The following COL5A3 variants were observed in gnomAD, a reference collection of about 807,000 sequenced individuals.
COL5A3 encodes collagen type V alpha 3 chain, also known as collagen alpha-3(V) chain.
Under a neutral mutation model 250.0 loss-of-function variants are expected in COL5A3, and 172 were observed. The observed-to-expected ratio is 0.69, with a 90% confidence interval of 0.61 to 0.78. The LOEUF (loss-of-function observed/expected upper bound fraction) is 0.78, where lower values mean the gene tolerates loss of function less well. COL5A3 is among the 30% of genes least tolerant of loss of function. The pLI, the probability that COL5A3 is intolerant of heterozygous loss-of-function variation, is 0.00. For synonymous variants in COL5A3, 937 were observed against 900.4 expected (o/e 1.04, Z -0.73); for missense variants, 2,340 against 2,334.4 (o/e 1.00, Z -0.05).
rs529088765 is a variant in COL5A3 at position 9,970,873 on chromosome 19, C to T, written c.3882+102G>A. Reference sequence around the variant, plus strand: ...GGTGAAGCGGGAGCATCTGCAGGGGCCTTGGGTACCCCACTAGCCCACTCC... The same window carrying T: ...GGTGAAGCGGGAGCATCTGCAGGGGTCTTGGGTACCCCACTAGCCCACTCC... On this transcript the variant is annotated intron_variant, in intron 53 of 66. Coordinates refer to ENST00000264828, the MANE Select transcript of COL5A3 (RefSeq NM_015719.4). The T allele has an allele frequency of 9.1e-5, 107 of 1,171,740 alleles. 1 individual carries two copies. In the South Asian group the frequency reaches 1.7e-3, roughly 18 times the overall value. 72.6% of individuals were successfully genotyped at this position (1,171,740 alleles called of 1,614,324 possible).
At chr19:10,003,912 A>T in intron 5 of COL5A3, 129 bp downstream of exon 5, 3 of 1,008,510 alleles carry the variant, frequency 3.0e-6, no homozygotes, top group Non-Finnish European at 4.6e-6. Flanking sequence ...CATGCCTGGG[A>T]TGTGTTGGAG....
chr19:10,000,346 C>T (rs535989092), intron 8 of COL5A3, among the ~76,000 whole-genome samples: 1 of 152,160 alleles, frequency 6.6e-6, no homozygotes, highest in East Asian at 1.9e-4. Flanking sequence ...TTCTCTGCGT[C>T]CCTCCCATCT....
rs764673613 is a variant in COL5A3, at chr19:9,960,737, C to A, written c.5005G>T (p.Ala1669Ser). ...TCTCCATTGGTGCCAAGGAAGCGGG[C>A]GGAGTGGCTGTAGTCACCCGTGGCT... Reference protein sequence around the residue: ...DEATGDYSHSARFLGTNGEEL... With the variant: ...DEATGDYSHSSRFLGTNGEEL... Residue 1669 changes from alanine (A) to serine (S), a missense_variant, in exon 66 of 67, where the codon GCC (alanine) becomes TCC (serine). Physicochemically the swap from Ala to Ser is moderately conservative, Grantham distance 99. Coordinates refer to ENST00000264828, the MANE Select transcript of COL5A3 (RefSeq NM_015719.4). The A allele has an allele frequency of 5.6e-6, 9 of 1,614,020 alleles. No homozygotes were observed. The Admixed American group carries it at 1.5e-4, about 27-fold the overall frequency.
chr19:9,966,436 A>G lies in COL5A3; in HGVS notation c.4670-10T>C. 6.3e-7 allele frequency: 1 copy of G among 1,587,842 alleles called. No homozygotes were observed. Among genetic ancestry groups the G allele is most frequent in the Non-Finnish European group, 8.6e-7 (1 of 1,163,404 alleles). ...TCAATCCAGTATTCCCCTGCCGCAGAGCCAGGCAGGGTGGGTGAGTCCGGA... is the reference window on the plus strand; with the variant it reads ...TCAATCCAGTATTCCCCTGCCGCAGGGCCAGGCAGGGTGGGTGAGTCCGGA... On this transcript the variant is annotated splice_polypyrimidine_tract_variant and intron_variant, in intron 63 of 66. Transcript: ENST00000264828.
In COL5A3 at chr19:9,979,996, G is replaced by C. The variant is rs1255426174; in HGVS notation, c.2656C>G (p.Pro886Ala). ...PPGFPGPKGPPGHQGKDGRPG... is the reference protein window; with the variant it reads ...PPGFPGPKGPAGHQGKDGRPG... ...CCAATGAGGGTGACCTCACTCACAGGGGGGCCCTTTGGCCCAGGGAATCCT... is the reference window on the plus strand; with the variant it reads ...CCAATGAGGGTGACCTCACTCACAGCGGGGCCCTTTGGCCCAGGGAATCCT... Residue 886 changes from proline to alanine, a missense_variant and splice_region_variant, in exon 36 of 67, where the codon CCT becomes GCT. Transcript: ENST00000264828. 5.7e-6 allele frequency: 9 copies of C among 1,587,432 alleles called. No homozygotes were observed. Among genetic ancestry groups the C allele is most frequent in the South Asian group, 3.5e-5 (3 of 86,928 alleles).
Position 10,008,451 on chromosome 19 carries a change from G to GT in COL5A3, c.88+1846_88+1847insA, listed in dbSNP as rs763321975. 3.1e-3 allele frequency among the ~76,000 whole-genome samples: 474 copies of GT among 151,664 alleles called. 3 individuals carry two copies. Among genetic ancestry groups the GT allele is most frequent in the South Asian group, 4.4e-3 (21 of 4,772 alleles). Reference sequence around the variant, plus strand: ...GCCTACAGGGGACAAGGGGTGGGGGGGTCTGTCAGGGGCCCAGCCTGCCCC... The same window carrying GT: ...GCCTACAGGGGACAAGGGGTGGGGGGTGTCTGTCAGGGGCCCAGCCTGCCCC... On this transcript the variant is annotated intron_variant, in intron 1 of 66. Transcript: ENST00000264828.
In COL5A3 at chr19:10,004,120, CT is replaced by C; in HGVS notation, c.619del (p.Ser207AlafsTer105). ...FEGDIQELLI[S>X]PDPQAAFQAC... ...CTGGAAGGCAGCCTGAGGATCTGGG[CT>C]TATCAGCAGCTCCTGAATGTCTCCC... is the stretch of plus-strand genomic sequence containing the variant. On this transcript the variant is annotated frameshift_variant, in exon 5 of 67. Transcript: ENST00000264828. LOFTEE classifies it high-confidence loss of function. The C allele has an allele frequency of 1.9e-6, 3 of 1,613,928 alleles. No homozygotes were observed. Among genetic ancestry groups the C allele is most frequent in the African/African-American group, 2.7e-5 (2 of 75,004 alleles).
chr19:9,960,979 G>A, intron 65 of COL5A3, 89 bp from the exon 66 acceptor site: 1 of 1,502,394 alleles, frequency 6.7e-7, no homozygotes, highest in South Asian at 1.2e-5. Context: ...TCCACTGGCA[G>A]ACAAGCCACC....
chr19:10,003,576 C>G lies in COL5A3; in HGVS notation c.838G>C (p.Ala280Pro), dbSNP rs61742765. Reference protein sequence around the residue: ...IWTSSPPPDSAENQTSTDIPK... With the variant: ...IWTSSPPPDSPENQTSTDIPK... ...CTCAGGGCCCTTACCTGGTTCTCTG[C>G]GGAGTCAGGAGGTGGACTTGAGGTC... is the stretch of plus-strand genomic sequence containing the variant. Residue 280 changes from alanine (A) to proline (P), a missense_variant, in exon 6 of 67, where the codon GCA becomes CCA. By Grantham distance (27) the Ala-to-Pro change is conservative. This residue lies in a region of COL5A3 where 1,152 missense variants were observed against 1,146.3 expected (regional missense o/e 1.00). Transcript: ENST00000264828. The G allele has an allele frequency of 0.18, 298,373 of 1,613,830 alleles. 29,980 individuals carry two copies. Among genetic ancestry groups the G allele is most frequent in the Middle Eastern group, 0.21 (1,273 of 6,062 alleles).
intron 24 of COL5A3, among the ~76,000 whole-genome samples, chr19:9,990,563 A>G (rs2087173582): frequency 7.2e-6 from 1 of 138,678 alleles, no homozygotes; most frequent in Admixed American, 6.9e-5. Context: ...GATAATAAAT[A>G]AAATTAATTT....
chr19:9,995,533 G>C, intron 16 of COL5A3, 31 bp downstream of exon 16: 1 of 1,596,800 alleles, frequency 6.3e-7, no homozygotes. Flanking sequence ...GGATGGATAA[G>C]GGGTGGTCTG....
chr19:9,966,450 G>C (rs920958352), intron 63 of COL5A3, 24 bp from the exon 64 acceptor site: 31 of 1,582,396 alleles, frequency 2.0e-5, no homozygotes, highest in Non-Finnish European at 2.6e-5. Flanking sequence ...AGGCAGGGTG[G>C]GTGAGTCCGG....
In COL5A3 at chr19:10,009,593, G is replaced by A. The variant is rs1431494627; in HGVS notation, c.88+705C>T. ...AGCCCTGTCCATGGTGCTGATCGCGGCTCTGGGGACCGCGGGGTGGGGGAG... is the reference window on the plus strand; with the variant it reads ...AGCCCTGTCCATGGTGCTGATCGCGACTCTGGGGACCGCGGGGTGGGGGAG... On this transcript the variant is annotated intron_variant, in intron 1 of 66. Coordinates refer to ENST00000264828, the MANE Select transcript of COL5A3 (RefSeq NM_015719.4). This position sits in a 1 kb window ranked among gnomAD's most constrained non-coding sequence, Gnocchi z 4.4. 3.9e-5 allele frequency among the ~76,000 whole-genome samples: 6 copies of A among 152,064 alleles called. No homozygotes were observed. Among genetic ancestry groups the A allele is most frequent in the Admixed American group, 3.9e-4 (6 of 15,278 alleles).
intron 19 of COL5A3, 39 bp downstream of exon 19, chr19:9,993,341 T>C (rs919474744): frequency 6.2e-7 from 1 of 1,608,064 alleles, no homozygotes; most frequent in African/African-American, 1.3e-5. Context: ...CTTCCAAACT[T>C]ACTTTCCAAA....
Position 9,966,531 on chromosome 19 carries a change from C to T in COL5A3, c.4669+5G>A. On this transcript the variant is annotated splice_donor_5th_base_variant and intron_variant, in intron 63 of 66. Transcript: ENST00000264828. ...CATCCAAGTGGCGGGGGGACCGGAC[C>T]TCACCATCAGGCAGGTGCGGGTGGT... is the stretch of plus-strand genomic sequence containing the variant. 1.3e-6 allele frequency: 2 copies of T among 1,542,196 alleles called. No homozygotes were observed. The highest frequency in any genetic ancestry group is 8.7e-7 in the Non-Finnish European group (1 of 1,144,316).
chr19:9,997,975 A>G lies in COL5A3; in HGVS notation c.1200+9T>C. ...AAGACTGGAAGAAGGAAACACAGCC[A>G]TGACTTACTTGGGGTCCTGGGGCTC... On this transcript the variant is annotated intron_variant, in intron 10 of 66. Transcript: ENST00000264828. 6.2e-7 allele frequency: 1 copy of G among 1,614,050 alleles called. No homozygotes were observed. The highest frequency in any genetic ancestry group is 2.2e-5 in the East Asian group (1 of 44,872).
chr19:9,975,948 A>AGGG (rs2086913921), intron 45 of COL5A3, among the ~76,000 whole-genome samples: 1 of 149,012 alleles, frequency 6.7e-6, no homozygotes, highest in South Asian at 2.1e-4. Flanking sequence ...GTTGGCATTG[A>AGGG]GGGGAAGACA....
Position 9,973,909 on chromosome 19 carries a change from G to T in COL5A3, c.3558+10C>A. 6.3e-7 allele frequency: 1 copy of T among 1,585,356 alleles called. No homozygotes were observed. Among genetic ancestry groups the T allele is most frequent in the Middle Eastern group, 1.7e-4 (1 of 5,930 alleles). On this transcript the variant is annotated intron_variant, in intron 48 of 66. Coordinates refer to ENST00000264828, the MANE Select transcript of COL5A3 (RefSeq NM_015719.4). ...TCTCTGAGCCTTCCTGGCCCCCCAA[G>T]AGTTCTCACCTCTGATCCAGTGGGG...
chr19:9,977,560 G>A, intron 42 of COL5A3, 34 bp downstream of exon 42: 1 of 1,534,036 alleles, frequency 6.5e-7, no homozygotes, highest in African/African-American at 1.4e-5. Context: ...AGACCCTGAG[G>A]AGGCCCTAGG....
Sources: allele counts gnomAD v4.1 joint callset (sites outside exome capture counted in the v4.1 genomes callset), GRCh38; gene constraint gnomAD v4.1.1; regional missense constraint gnomAD v4.1.1; non-coding constraint Gnocchi (gnomAD v3.1); transcripts MANE v1.5; gene names NCBI Gene and HGNC (gene_info 2026-07-23, HGNC 2026-07-21).